HDHD5: variants seen among roughly 807,000 people sequenced by gnomAD.
HDHD5 encodes the protein haloacid dehalogenase-like hydrolase domain-containing 5.
Under a neutral mutation model 35.5 loss-of-function variants are expected in HDHD5, and 34 were observed. That is an observed-to-expected ratio of 0.96 (90% confidence interval 0.73 to 1.28). HDHD5 has a LOEUF of 1.28. HDHD5 is among the 50% of genes most tolerant of loss of function. The pLI is 0.00. For missense variants in HDHD5, 589 were observed against 560.2 expected, an observed-to-expected ratio of 1.05 and a Z score of -0.52; for synonymous variants, 248 against 240.6, an observed-to-expected ratio of 1.03 and a Z score of -0.29.
intron 1 of HDHD5, among the ~76,000 whole-genome samples, chr22:17,154,289 C>G (rs1272052005): frequency 4.6e-5 from 7 of 151,718 alleles, no homozygotes; most frequent in African/African-American, 1.7e-4. Context: ...TCGAGACCAG[C>G]CTGACCAACA....
At position 17,159,181 on chromosome 22, in the gene HDHD5, G is replaced by T; in HGVS notation, c.71C>A (p.Ala24Asp). 8.2e-7 allele frequency: 1 copy of T among 1,213,988 alleles called. No individual in the cohort carries two copies. Among genetic ancestry groups the T allele is most frequent in the African/African-American group, 1.6e-5 (1 of 63,428 alleles). The allele number at this position is 1,213,988 out of a possible 1,614,324, so 75.2% of individuals were successfully genotyped here. ...RGLCWRAARA[A>D]AGLQGRPARR... is the part of the protein sequence containing the mutation. ...GGCGGGGCGGCCCTGGAGCCCCGCA[G>T]CCGCGCGCGCCGCCCGCCAGCAAAG... Residue 24 changes from alanine (A) to aspartate (D), a missense_variant, in exon 1 of 8, where the codon GCT becomes GAT. Transcript: ENST00000336737.
intron 1 of HDHD5, among the ~76,000 whole-genome samples, chr22:17,153,828 C>T (rs754052944): frequency 1.2e-4 from 18 of 151,980 alleles, no homozygotes; most frequent in Non-Finnish European, 8.8e-5. Context: ...AGATACTTCC[C>T]GACCACCCTA....
At chr22:17,151,152 A>G (rs182301704) in intron 1 of HDHD5, among the ~76,000 whole-genome samples, 72 of 152,354 alleles carry the variant, frequency 4.7e-4, no homozygotes, top group African/African-American at 1.6e-3. Context: ...ATTGATTTTC[A>G]CAACTGTTAA....
intron 7 of HDHD5, 44 bp from the exon 8 acceptor site, chr22:17,138,401 C>A: frequency 6.3e-7 from 1 of 1,583,898 alleles, no homozygotes; most frequent in Non-Finnish European, 8.6e-7. Flanking sequence ...GGAGAAAAAA[C>A]CCTAAATCAA....
chr22:17,143,124 G>C lies in HDHD5; in HGVS notation c.545C>G (p.Pro182Arg). ...TTCAATGCGGGGGAAGTCATTCCTCGGGAGGGGCTGCAGAGAGACAAAGGA... is the reference window on the plus strand; with the variant it reads ...TTCAATGCGGGGGAAGTCATTCCTCCGGAGGGGCTGCAGAGAGACAAAGGA... ...LERRLKTTPL[P>R]RNDFPRIEGV... Residue 182 changes from proline (P) to arginine (R), a missense_variant, in exon 5 of 8, where the codon CCG (proline) becomes CGG (arginine). Physicochemically the swap from Pro to Arg is moderately radical, Grantham distance 103 (BLOSUM62 -2). Coordinates refer to ENST00000336737, the MANE Select transcript of HDHD5 (RefSeq NM_033070.3). 6.2e-7 allele frequency: 1 copy of C among 1,609,254 alleles called. No homozygotes were observed. The highest frequency in any genetic ancestry group is 1.3e-5 in the African/African-American group (1 of 74,864).
chr22:17,156,225 A>G (rs1326883772), intron 1 of HDHD5, among the ~76,000 whole-genome samples: 2 of 152,248 alleles, frequency 1.3e-5, no homozygotes, highest in African/African-American at 4.8e-5. Context: ...GTGTGAAGGC[A>G]GAAGACAGTG....
chr22:17,161,216 A>T (rs147339969), upstream of HDHD5, among the ~76,000 whole-genome samples: 474 of 142,006 alleles, frequency 3.3e-3, no homozygotes, highest in African/African-American at 0.012. Flanking sequence ...ACTGTACTCG[A>T]GCCTGGGCAA....
chr22:17,164,501 C>G (rs2061880702), intron 1 of HDHD5, among the ~76,000 whole-genome samples: 1 of 152,200 alleles, frequency 6.6e-6, no homozygotes, highest in Non-Finnish European at 1.5e-5. Flanking sequence ...TTGTTAGGTA[C>G]CCAGGCTCCT....
In HDHD5 at chr22:17,145,106, C is replaced by A. The variant is rs746035661; in HGVS notation, c.455G>T (p.Arg152Leu). ...CAGCTCATCCACGGTGACGACATTTCGGAAGCCCAGTCTGGAGCAAGCTCA... is the reference window on the plus strand; with the variant it reads ...CAGCTCATCCACGGTGACGACATTTAGGAAGCCCAGTCTGGAGCAAGCTCA... ...VMENAQGLGFRNVVTVDELRM... is the reference protein window; with the variant it reads ...VMENAQGLGFLNVVTVDELRM... Residue 152 changes from arginine (R) to leucine (L), a missense_variant, in exon 4 of 8, where the codon CGA (arginine) becomes CTA (leucine). Physicochemically the swap from Arg to Leu is moderately radical, Grantham distance 102. Transcript: ENST00000336737. The A allele has an allele frequency of 6.2e-6, 10 of 1,614,016 alleles. No individual in the cohort carries two copies. Among genetic ancestry groups the A allele is most frequent in the Non-Finnish European group, 8.5e-6 (10 of 1,180,008 alleles).
chr22:17,161,265 A>G (rs2061862116), upstream of HDHD5, among the ~76,000 whole-genome samples: 1 of 147,844 alleles, frequency 6.8e-6, no homozygotes, highest in African/African-American at 2.5e-5. Flanking sequence ...AAAAAAAGAA[A>G]GAAGAAAAAA....
At chr22:17,161,245 CAA>C (rs574657476), upstream of HDHD5, among the ~76,000 whole-genome samples, 30 of 105,290 alleles carry the variant, frequency 2.8e-4, no homozygotes, top group East Asian at 4.2e-3. Context: ...GACTCTATCT[CAA>C]AAAAAAAAAA....
At chr22:17,158,008 G>A (rs1402635457) in intron 1 of HDHD5, among the ~76,000 whole-genome samples, 1 of 152,194 alleles carries the variant, frequency 6.6e-6, no homozygotes, top group Non-Finnish European at 1.5e-5. Flanking sequence ...CACAAAGTAA[G>A]CACTATGTGT....
At chr22:17,155,654 A>G (rs1252155857) in intron 1 of HDHD5, among the ~76,000 whole-genome samples, 2 of 151,664 alleles carry the variant, frequency 1.3e-5, no homozygotes, top group African/African-American at 4.8e-5. Context: ...CATCACTCCA[A>G]CCCCTCCCCA....
chr22:17,163,677 T>G (rs2061876103), upstream of HDHD5, among the ~76,000 whole-genome samples: 1 of 152,220 alleles, frequency 6.6e-6, no homozygotes, highest in East Asian at 1.9e-4. Context: ...TGCCTTGCTT[T>G]CGGTCATCCT....
chr22:17,138,741 G>A lies in HDHD5; in HGVS notation c.747-3C>T. The A allele has an allele frequency of 6.2e-7, 1 of 1,614,146 alleles. No individual in the cohort carries two copies. Among genetic ancestry groups the A allele is most frequent in the Non-Finnish European group, 8.5e-7 (1 of 1,180,004 alleles). On this transcript the variant is annotated splice_polypyrimidine_tract_variant and splice_region_variant and intron_variant, in intron 6 of 7. Transcript: ENST00000336737. ...GCAGAAAGGTGCCATGTCCAAACCT[G>A]CCAGAAACGAGCACGCAGCAGTTCA...
chr22:17,141,588 C>T (rs2061601731), intron 5 of HDHD5: 1 of 1,080,496 alleles, frequency 9.3e-7, no homozygotes, highest in Non-Finnish European at 1.1e-6. Flanking sequence ...GCTCCTGTTC[C>T]CTCAGTCGCT....
At chr22:17,159,590 G>C (rs757470651), upstream of HDHD5, 2 of 427,920 alleles carry the variant, frequency 4.7e-6, no homozygotes, top group Non-Finnish European at 9.2e-6. Flanking sequence ...GCCTCCCTCA[G>C]CTTCGCGGAC....
chr22:17,161,280 C>T (rs1016873854), upstream of HDHD5, among the ~76,000 whole-genome samples: 2 of 150,522 alleles, frequency 1.3e-5, no homozygotes, highest in African/African-American at 4.9e-5. Flanking sequence ...AAAAAAAGGC[C>T]GGTCACAGTG....
At position 17,138,043 on chromosome 22, in the gene HDHD5, T is replaced by C; in HGVS notation, c.1250A>G (p.Lys417Arg). 2 of 1,613,006 alleles carry C rather than the reference T, an allele frequency of 1.2e-6. No individual in the cohort carries two copies. The highest frequency in any genetic ancestry group is 1.7e-6 in the Non-Finnish European group (2 of 1,179,202). ...CCCTCACTCCAAAGCCCAGCCCTCC[T>C]TGCGGAAGACCAGCTGCACAGCCTC... ...VNEAVQLVFR[K>R]EGWALE Residue 417 changes from lysine (K) to arginine (R), a missense_variant, in exon 8 of 8, where the codon AAG becomes AGG. Lys to Arg is a conservative substitution (Grantham distance 26, BLOSUM62 2). Coordinates refer to ENST00000336737, the MANE Select transcript of HDHD5 (RefSeq NM_033070.3).
Sources: allele counts gnomAD v4.1 joint callset (sites outside exome capture counted in the v4.1 genomes callset), GRCh38; gene constraint gnomAD v4.1.1; transcripts MANE v1.5; gene names NCBI Gene and HGNC (gene_info 2026-07-23, HGNC 2026-07-21).